Variants in PARP14 observed in about 807,000 individuals in gnomAD.
The protein encoded by PARP14 is poly(ADP-ribose) polymerase family member 14.
In PARP14, 59 loss-of-function variants were observed where a neutral mutation model predicts 154.2. That is an observed-to-expected ratio of 0.38 (90% CI 0.31 to 0.48). The LOEUF is 0.48. Among genes scored for constraint, PARP14 ranks in the 20% least tolerant of loss-of-function variants. PARP14 has a pLI of 0.98. For synonymous variants in PARP14, 720 were observed against 780.5 expected (o/e 0.92, Z 1.29); for missense variants, 1,734 against 2,131.6 (o/e 0.81, Z 3.67).
intron 3 of PARP14, among the ~76,000 whole-genome samples, chr3:122,687,811 G>A (rs952804623): frequency 4.6e-5 from 7 of 152,208 alleles, no homozygotes; most frequent in African/African-American, 1.7e-4. Context: ...AATGAACCGA[G>A]CTAGAGAGAT....
Position 122,692,563 on chromosome 3 carries a change from C to T in PARP14, c.598+20C>T. The stretch of plus-strand genomic sequence containing the variant: ...ACATAGGTAAGATGAAGTGACACTT[C>T]CTCTGCCTGTCTTCTTTGTACCACA... On this transcript the variant is annotated intron_variant, in intron 4 of 16. Transcript: ENST00000474629. The T allele has an allele frequency of 6.3e-7, 1 of 1,592,048 alleles. No individual in the cohort carries two copies. The highest frequency in any genetic ancestry group is 8.6e-7 in the Non-Finnish European group (1 of 1,164,734).
At chr3:122,705,501 C>A (rs1939127181) in intron 8 of PARP14, among the ~76,000 whole-genome samples, 1 of 152,194 alleles carries the variant, frequency 6.6e-6, no homozygotes, top group Admixed American at 6.5e-5. Context: ...CCAGAACTAT[C>A]ATCAATCATG....
At chr3:122,712,058 T>G (rs1028822827) in intron 9 of PARP14, among the ~76,000 whole-genome samples, 1 of 152,136 alleles carries the variant, frequency 6.6e-6, no homozygotes, top group African/African-American at 2.4e-5. Context: ...TTTTATCTTT[T>G]TTTGTTTGTT....
intron 15 of PARP14, among the ~76,000 whole-genome samples, chr3:122,726,035 A>C (rs995308028): frequency 1.3e-5 from 2 of 152,138 alleles, no homozygotes; most frequent in Admixed American, 6.5e-5. Context: ...CAATGCAAAG[A>C]CCTTTGAATA....
intron 3 of PARP14, among the ~76,000 whole-genome samples, chr3:122,689,136 A>G (rs1032810920): frequency 6.6e-6 from 1 of 152,114 alleles, no homozygotes; most frequent in Non-Finnish European, 1.5e-5. Context: ...CTTCTGTCTG[A>G]CCTTCCTGTT....
At chr3:122,724,460 ATT>A (rs956215914) in intron 15 of PARP14, among the ~76,000 whole-genome samples, 7 of 102,034 alleles carry the variant, frequency 6.9e-5, no homozygotes, top group Middle Eastern at 7.4e-3. Flanking sequence ...CACCACGCCT[ATT>A]TTTTTTTTTT....
chr3:122,703,808 C>T lies in PARP14; in HGVS notation c.3148C>T (p.Leu1050Phe). Residue 1050 changes from leucine to phenylalanine, a missense_variant, in exon 7 of 17, where the codon CTC (leucine) becomes TTC (phenylalanine). Physicochemically the swap from Leu to Phe is conservative, Grantham distance 22. Transcript: ENST00000474629. ...TAGTAGAGGGCCTCTTTCTAAGTCC[C>T]TCTTGGAAAAAGCTGGACCAGAGCT... ...VLSRGPLSKS[L>F]LEKAGPELQE... is the part of the protein sequence containing the mutation. The T allele has an allele frequency of 6.2e-7, 1 of 1,613,948 alleles. No individual in the cohort carries two copies. The highest frequency in any genetic ancestry group is 1.1e-5 in the South Asian group (1 of 91,080).
chr3:122,711,846 T>G (rs915431836), intron 9 of PARP14, among the ~76,000 whole-genome samples: 2 of 152,200 alleles, frequency 1.3e-5, no homozygotes, highest in Non-Finnish European at 2.9e-5. Context: ...ATCCATTTCC[T>G]CTAGAGTTTC....
chr3:122,728,896 A>C lies in PARP14; in HGVS notation c.*299A>C, dbSNP rs530064474. 3 of 340,418 alleles carry C rather than the reference A, an allele frequency of 8.8e-6. No homozygotes were observed. Among genetic ancestry groups the C allele is most frequent in the Non-Finnish European group, 1.7e-5 (3 of 179,954 alleles). 21.1% of individuals were successfully genotyped at this position (340,418 alleles called of 1,614,324 possible). A position where few individuals can be genotyped will look rare whatever the true frequency, so the allele number is the denominator to read the frequency against. ...GGTTTGTATTTTCAGGAAGGAGAGA[A>C]TAACAGTCTTATAGACAGAGGGCAC... On this transcript the variant is annotated 3_prime_UTR_variant, in exon 17 of 17. Coordinates refer to ENST00000474629, the MANE Select transcript of PARP14 (RefSeq NM_017554.3).
chr3:122,710,190 A>G (rs1322519841), intron 9 of PARP14, among the ~76,000 whole-genome samples: 1 of 151,950 alleles, frequency 6.6e-6, no homozygotes, highest in Admixed American at 6.6e-5. Flanking sequence ...TTATGGTTTC[A>G]GGTCTTAAAT....
chr3:122,681,538 A>G lies in PARP14; in HGVS notation c.187+468A>G, dbSNP rs1938205636. Among the ~76,000 whole-genome samples the G allele has an allele frequency of 6.6e-6, 1 of 152,126 alleles. No homozygotes were observed. Among genetic ancestry groups the G allele is most frequent in the African/African-American group, 2.4e-5 (1 of 41,418 alleles). ...GGAGATTCCCAGGGGTCCCGGGGTC[A>G]CTTGGGAGAGGGGCAGAGGCGCTAC... On this transcript the variant is annotated intron_variant, in intron 1 of 16. Transcript: ENST00000474629. This position sits in a 1 kb window ranked among gnomAD's most constrained non-coding sequence, Gnocchi z 5.5.
Position 122,724,646 on chromosome 3 carries a change from T to A in PARP14, c.4942-3166T>A, listed in dbSNP as rs886143192. On this transcript the variant is annotated intron_variant, in intron 15 of 16. Coordinates refer to ENST00000474629, the MANE Select transcript of PARP14 (RefSeq NM_017554.3). Reference sequence around the variant, plus strand: ...TTAAAATTTAATGTTGAAAAAAAAATTTTTTTTTTTTTTTTTAGTATTTAT... The same window carrying A: ...TTAAAATTTAATGTTGAAAAAAAAAATTTTTTTTTTTTTTTTAGTATTTAT... Among the ~76,000 whole-genome samples, 24 of 139,450 alleles carry A rather than the reference T, an allele frequency of 1.7e-4. No homozygotes were observed. The East Asian group carries it at 3.9e-3, about 22-fold the overall frequency. The allele number at this position is 139,450 out of a possible 152,430, so 91.5% of individuals were successfully genotyped here. A position where few individuals can be genotyped will look rare whatever the true frequency, so the allele number is the denominator to read the frequency against.
At chr3:122,689,979 C>A (rs972094552) in intron 3 of PARP14, among the ~76,000 whole-genome samples, 9 of 152,212 alleles carry the variant, frequency 5.9e-5, no homozygotes, top group African/African-American at 2.2e-4. Flanking sequence ...TTCTGTTGCT[C>A]ACCATTCCCT....
At chr3:122,696,643 G>A (rs1938787336) in intron 5 of PARP14, among the ~76,000 whole-genome samples, 1 of 152,202 alleles carries the variant, frequency 6.6e-6, no homozygotes, top group Admixed American at 6.5e-5. Context: ...TTTGTGGTGA[G>A]AGTTGATATT....
intron 3 of PARP14, among the ~76,000 whole-genome samples, chr3:122,692,094 T>G (rs1938559436): frequency 6.6e-6 from 1 of 152,208 alleles, no homozygotes; most frequent in African/African-American, 2.4e-5. Context: ...AATGAAAATT[T>G]AAAAATATGA....
chr3:122,703,625 A>G (rs781336577), intron 6 of PARP14, 117 bp from the exon 7 acceptor site: 13 of 618,714 alleles, frequency 2.1e-5, no homozygotes, highest in Non-Finnish European at 3.5e-5. Flanking sequence ...TCAATCACTG[A>G]AACCGTAGTC....
intron 9 of PARP14, among the ~76,000 whole-genome samples, chr3:122,708,761 G>A (rs1195924953): frequency 1.3e-5 from 2 of 151,900 alleles, no homozygotes; most frequent in Admixed American, 6.6e-5. Context: ...TTCCAATACT[G>A]TGGTGCTAAG....
chr3:122,685,988 T>A (rs1938362493), intron 2 of PARP14, among the ~76,000 whole-genome samples: 1 of 152,186 alleles, frequency 6.6e-6, no homozygotes, highest in Admixed American at 6.5e-5. Flanking sequence ...CCATACTACC[T>A]GTATTAAGTA....
At chr3:122,688,856 C>A (rs1938455115) in intron 3 of PARP14, among the ~76,000 whole-genome samples, 1 of 152,142 alleles carries the variant, frequency 6.6e-6, no homozygotes, top group Non-Finnish European at 1.5e-5. Context: ...CCCGAAACCT[C>A]ATGCAAAAAG....
Sources: allele counts gnomAD v4.1 joint callset (sites outside exome capture counted in the v4.1 genomes callset), GRCh38; gene constraint gnomAD v4.1.1; non-coding constraint Gnocchi (gnomAD v3.1); transcripts MANE v1.5; gene names NCBI Gene and HGNC (gene_info 2026-07-23, HGNC 2026-07-21).